The following CNTN5 variants were observed in gnomAD, a reference collection of about 807,000 sequenced individuals.
The protein encoded by CNTN5 is contactin-5.
Under a neutral mutation model 129.1 loss-of-function variants are expected in CNTN5, and 77 were observed. The observed-to-expected ratio is 0.60, with a 90% confidence interval of 0.50 to 0.72. The LOEUF (loss-of-function observed/expected upper bound fraction) is 0.72, where lower values mean the gene tolerates loss of function less well. Ranked by LOEUF, CNTN5 falls within the 30% of genes least tolerant of loss-of-function variation. CNTN5 has a pLI of 0.00. For synonymous variants in CNTN5, 509 were observed against 465.6 expected, an observed-to-expected ratio of 1.09 and a Z score of -1.20; for missense variants, 1,478 against 1,328.8, an observed-to-expected ratio of 1.11 and a Z score of -1.75.
intron 8 of CNTN5, among the ~76,000 whole-genome samples, chr11:99,960,397 G>A (rs1950911416): frequency 6.6e-6 from 1 of 151,722 alleles, no homozygotes; most frequent in Non-Finnish European, 1.5e-5. Flanking sequence ...ATTCTGTGCA[G>A]CAAATACAAT....
At chr11:100,078,570 G>T (rs1174190828) in intron 13 of CNTN5, among the ~76,000 whole-genome samples, 2 of 152,082 alleles carry the variant, frequency 1.3e-5, no homozygotes, top group Non-Finnish European at 2.9e-5. Context: ...AACGTTGTTG[G>T]TAAAAGTATA....
At chr11:100,130,718 G>T (rs1029310686) in intron 13 of CNTN5, among the ~76,000 whole-genome samples, 12 of 152,224 alleles carry the variant, frequency 7.9e-5, no homozygotes, top group African/African-American at 2.2e-4. Flanking sequence ...TTTGGAAGTG[G>T]AAGTGTAAGG....
At chr11:100,006,156 C>T (rs572386370) in intron 9 of CNTN5, among the ~76,000 whole-genome samples, 7 of 152,186 alleles carry the variant, frequency 4.6e-5, no homozygotes, top group Non-Finnish European at 8.8e-5. Flanking sequence ...AATTTACACA[C>T]GTTGATTTAA....
chr11:99,579,152 A>C (rs1949477457), intron 3 of CNTN5, among the ~76,000 whole-genome samples: 1 of 152,020 alleles, frequency 6.6e-6, no homozygotes, highest in East Asian at 1.9e-4. Context: ...GATATGCGGC[A>C]TTATTTCTGA....
intron 3 of CNTN5, among the ~76,000 whole-genome samples, chr11:99,771,635 T>C (rs1459748629): frequency 1.3e-5 from 2 of 151,916 alleles, no homozygotes; most frequent in Non-Finnish European, 2.9e-5. Context: ...GTGGTTACCA[T>C]TAGCTGGCGG....
At chr11:99,510,146 A>T (rs1386992632) in intron 2 of CNTN5, among the ~76,000 whole-genome samples, 1 of 152,088 alleles carries the variant, frequency 6.6e-6, no homozygotes, top group Non-Finnish European at 1.5e-5. Flanking sequence ...TTGTATAATA[A>T]TATAGTCAAA....
intron 2 of CNTN5, among the ~76,000 whole-genome samples, chr11:99,411,889 C>T (rs186640089): frequency 3.3e-5 from 5 of 152,228 alleles, no homozygotes; most frequent in South Asian, 2.1e-4. Context: ...CATAGACTAA[C>T]GGAATAAATA....
rs117248793 is a variant in CNTN5 at position 99,499,532 on chromosome 11, G to A, written c.-70-56613G>A. Among the ~76,000 whole-genome samples the A allele has an allele frequency of 7.4e-4, 112 of 152,164 alleles. No homozygotes were observed. In the East Asian group the frequency reaches 0.012, roughly 17 times the overall value. Reference sequence around the variant, plus strand: ...TGTGCGTCCCGGCCTCCAGAACCACGAGAAATCAATTTCTGTTCTTTATAA... The same window carrying A: ...TGTGCGTCCCGGCCTCCAGAACCACAAGAAATCAATTTCTGTTCTTTATAA... On this transcript the variant is annotated intron_variant, in intron 2 of 24. Coordinates refer to ENST00000524871, the MANE Select transcript of CNTN5 (RefSeq NM_014361.4).
intron 1 of CNTN5, among the ~76,000 whole-genome samples, chr11:99,211,037 A>G (rs988268150): frequency 2.0e-5 from 3 of 152,258 alleles, no homozygotes; most frequent in African/African-American, 7.2e-5. Flanking sequence ...CTTTAGTTTC[A>G]TTTTAATTCT....
In CNTN5 at chr11:100,350,849, A is replaced by C. The variant is rs140703637; in HGVS notation, c.3178A>C (p.Ile1060Leu). ...EGGDGTASSQ[I>L]RVPSYSGGKI... ...AGGAGATGGAACAGCTAGTTCTCAAATTAGGGTACCATCATATTCAGGTAA... is the reference window on the plus strand; with the variant it reads ...AGGAGATGGAACAGCTAGTTCTCAACTTAGGGTACCATCATATTCAGGTAA... Residue 1060 changes from isoleucine (I) to leucine (L), a missense_variant, in exon 24 of 25, where the codon ATT becomes CTT. By Grantham distance (5) the Ile-to-Leu change is conservative (BLOSUM62 2). Coordinates refer to ENST00000524871, the MANE Select transcript of CNTN5 (RefSeq NM_014361.4). 152 of 1,590,982 alleles carry C rather than the reference A, an allele frequency of 9.6e-5. No homozygotes were observed. In the East Asian group the frequency reaches 3.0e-3, roughly 32 times the overall value.
intron 1 of CNTN5, among the ~76,000 whole-genome samples, chr11:99,063,233 G>A (rs1174231705): frequency 1.3e-5 from 2 of 152,004 alleles, no homozygotes; most frequent in East Asian, 1.9e-4. Flanking sequence ...GGAAGATGAC[G>A]ATAAATACAT....
At chr11:99,563,249 A>G (rs1948898145) in intron 3 of CNTN5, among the ~76,000 whole-genome samples, 1 of 152,192 alleles carries the variant, frequency 6.6e-6, no homozygotes, top group Admixed American at 6.5e-5. Context: ...CATTTAATGA[A>G]GTAGTAGAAA....
At chr11:99,094,048 C>T (rs1305628606) in intron 1 of CNTN5, among the ~76,000 whole-genome samples, 2 of 151,908 alleles carry the variant, frequency 1.3e-5, no homozygotes, top group Non-Finnish European at 2.9e-5. Context: ...CAATTAGATA[C>T]TGTTAGTACA....
chr11:99,250,167 GTAAT>G (rs1862026854), intron 1 of CNTN5, among the ~76,000 whole-genome samples: 1 of 151,860 alleles, frequency 6.6e-6, no homozygotes, highest in Non-Finnish European at 1.5e-5. Flanking sequence ...GTATAATATA[GTAAT>G]TAGGTGGTAA....
intron 3 of CNTN5, among the ~76,000 whole-genome samples, chr11:99,802,928 G>T (rs577800864): frequency 1.3e-5 from 2 of 152,174 alleles, no homozygotes; most frequent in Non-Finnish European, 2.9e-5. Context: ...TGCCAATCCT[G>T]GTGAGCCGGT....
intron 11 of CNTN5, 126 bp from the exon 12 acceptor site, chr11:100,071,578 TA>T: frequency 1.8e-6 from 1 of 547,088 alleles, no homozygotes; most frequent in Non-Finnish European, 3.1e-6. Flanking sequence ...TTTACATTGC[TA>T]AGTGGCCAAA....
At chr11:100,073,300 G>C (rs1007312704) in intron 12 of CNTN5, among the ~76,000 whole-genome samples, 11 of 152,066 alleles carry the variant, frequency 7.2e-5, no homozygotes, top group Non-Finnish European at 1.5e-4. Context: ...GCCCACCTCA[G>C]CCTCCCAAAG....
chr11:99,130,616 A>T (rs550459932), intron 1 of CNTN5, among the ~76,000 whole-genome samples: 1 of 152,304 alleles, frequency 6.6e-6, no homozygotes, highest in East Asian at 1.9e-4. Flanking sequence ...TGGACCTAAT[A>T]GATATCTACA....
chr11:99,568,481 C>G (rs1156779505), intron 3 of CNTN5, among the ~76,000 whole-genome samples: 2 of 152,188 alleles, frequency 1.3e-5, no homozygotes, highest in African/African-American at 4.8e-5. Context: ...ATCTGGGGAA[C>G]TGCCTCTATG....
Sources: gnomAD v4.1 joint callset for allele counts (sites outside exome capture counted in the v4.1 genomes callset) on GRCh38, gnomAD v4.1.1 for gene constraint, MANE v1.5 for transcripts, NCBI Gene and HGNC (gene_info 2026-07-23, HGNC 2026-07-21) for gene names.